Variants in ADAM7 observed in about 807,000 individuals in gnomAD.
The protein encoded by ADAM7 is ADAM metallopeptidase domain 7, also known as disintegrin and metalloproteinase domain-containing protein 7.
Under a neutral mutation model 102.9 loss-of-function variants are expected in ADAM7, and 97 were observed. That is an observed-to-expected ratio of 0.94 (90% CI 0.80 to 1.12). The LOEUF (loss-of-function observed/expected upper bound fraction) is 1.12, where lower values mean the gene tolerates loss of function less well. Among genes scored for constraint, ADAM7 ranks in the 50% most tolerant of loss-of-function variants. The pLI, the probability that ADAM7 is intolerant of heterozygous loss-of-function variation, is 0.00. For missense variants in ADAM7, 991 were observed against 908.7 expected (o/e 1.09, Z -1.16); for synonymous variants, 334 against 304.4 (o/e 1.10, Z -1.01).
chr8:24,509,286 T>C lies in ADAM7; in HGVS notation c.*740T>C. 1.0e-6 allele frequency: 1 copy of C among 985,370 alleles called. No individual in the cohort carries two copies. The allele number at this position is 985,370 out of a possible 1,614,324, so 61.0% of individuals were successfully genotyped here. A position where few individuals can be genotyped will look rare whatever the true frequency, so the allele number is the denominator to read the frequency against. On this transcript the variant is annotated 3_prime_UTR_variant, in exon 22 of 22. Transcript: ENST00000175238. ...CAACTCCTATGAAGGGTTTCTAAGG[T>C]CTTTGTCCTGTGCAATTTGACAATG...
chr8:24,487,302 T>G lies in ADAM7; in HGVS notation c.1076T>G (p.Met359Arg). ...PCTCPSGKCV[M>R]DSDGSIPALK... ...ACCTGTCCTTCAGGAAAATGCGTGA[T>G]GGACAGTGATGGAAGGTGAGATTCG... The change falls in exon 11 of 22, where the codon ATG (methionine) becomes AGG (arginine). Residue 359 changes from methionine to arginine, a missense_variant. Met to Arg is a moderately conservative substitution (Grantham distance 91). Coordinates refer to ENST00000175238, the MANE Select transcript of ADAM7 (RefSeq NM_003817.4). The G allele has an allele frequency of 6.2e-7, 1 of 1,613,640 alleles. No homozygotes were observed. Among genetic ancestry groups the G allele is most frequent in the Non-Finnish European group, 8.5e-7 (1 of 1,179,750 alleles).
intron 20 of ADAM7, among the ~76,000 whole-genome samples, chr8:24,502,356 G>A (rs1409546256): frequency 6.6e-6 from 1 of 151,738 alleles, no homozygotes; most frequent in Non-Finnish European, 1.5e-5. Flanking sequence ...TTTACTTTAA[G>A]AAACTAGAGA....
At chr8:24,476,363 G>A (rs547272948) in intron 7 of ADAM7, 70 bp from the exon 8 acceptor site, 8 of 1,148,762 alleles carry the variant, frequency 7.0e-6, no homozygotes, top group Non-Finnish European at 6.2e-6. Flanking sequence ...GCTGATGAAT[G>A]AAGTATTTTG....
At chr8:24,465,851 G>C in intron 5 of ADAM7, 76 bp downstream of exon 5, 1 of 1,164,622 alleles carries the variant, frequency 8.6e-7, no homozygotes, top group Non-Finnish European at 1.2e-6. Flanking sequence ...TGTTGATTTT[G>C]TTTTATCACT....
At chr8:24,460,757 G>A (rs1266858959) in intron 3 of ADAM7, among the ~76,000 whole-genome samples, 1 of 131,796 alleles carries the variant, frequency 7.6e-6, no homozygotes, top group African/African-American at 3.6e-5. Flanking sequence ...ATGTATGTGT[G>A]TGTGTGTGTG....
In ADAM7 at chr8:24,467,401, G is replaced by C. The variant is rs979478638; in HGVS notation, c.579+413G>C. 46 of 190,110 alleles carry C rather than the reference G, an allele frequency of 2.4e-4. 1 individual carries two copies. The highest frequency in any genetic ancestry group is 7.5e-5 in the Non-Finnish European group (7 of 93,902). The allele number at this position is 190,110 out of a possible 1,614,324, so 11.8% of individuals were successfully genotyped here. A position where few individuals can be genotyped will look rare whatever the true frequency, so the allele number is the denominator to read the frequency against. On this transcript the variant is annotated intron_variant, in intron 6 of 21. Coordinates refer to ENST00000175238, the MANE Select transcript of ADAM7 (RefSeq NM_003817.4). ...TGTTTTAATGGTTAAGGATGATTAAGGATAAAACAAGTTCAGTTTTTGGTG... is the reference window on the plus strand; with the variant it reads ...TGTTTTAATGGTTAAGGATGATTAACGATAAAACAAGTTCAGTTTTTGGTG...
At chr8:24,448,987 CT>C (rs1314169933) in intron 3 of ADAM7, among the ~76,000 whole-genome samples, 1 of 152,178 alleles carries the variant, frequency 6.6e-6, no homozygotes, top group East Asian at 1.9e-4. Context: ...TGAACTCATC[CT>C]TTTTTATGGC....
chr8:24,473,235 T>G (rs7822070), intron 7 of ADAM7, among the ~76,000 whole-genome samples: 109,602 of 152,016 alleles, frequency 0.72, 40,310 homozygotes, highest in African/African-American at 0.81. Context: ...ATTTTATAAG[T>G]TTATTATAAC....
intron 5 of ADAM7, 147 bp downstream of exon 5, chr8:24,465,922 G>A: frequency 1.9e-6 from 1 of 529,290 alleles, no homozygotes; most frequent in Non-Finnish European, 3.2e-6. Context: ...AGTTTCAGCT[G>A]TAGCCTATGA....
rs1185335565 is a variant in ADAM7 at position 24,454,533 on chromosome 8, C to T, written c.233+7271C>T. Among the ~76,000 whole-genome samples the T allele has an allele frequency of 4.6e-5, 7 of 152,262 alleles. No homozygotes were observed. In the East Asian group the frequency reaches 1.4e-3, roughly 30 times the overall value. On this transcript the variant is annotated intron_variant, in intron 3 of 21. Coordinates refer to ENST00000175238, the MANE Select transcript of ADAM7 (RefSeq NM_003817.4). ...AGTGCAGTATTAGGGTGGGAGTGACCCGATTTTGCAGGTGCCATCTGTCAC... is the reference window on the plus strand; with the variant it reads ...AGTGCAGTATTAGGGTGGGAGTGACTCGATTTTGCAGGTGCCATCTGTCAC...
chr8:24,475,562 A>G (rs1819740064), intron 7 of ADAM7, among the ~76,000 whole-genome samples: 1 of 152,174 alleles, frequency 6.6e-6, no homozygotes, highest in Non-Finnish European at 1.5e-5. Context: ...GAATAGTGGC[A>G]GTTATAATCA....
At chr8:24,455,541 T>C (rs1818999636) in intron 3 of ADAM7, among the ~76,000 whole-genome samples, 3 of 152,202 alleles carry the variant, frequency 2.0e-5, no homozygotes, top group Admixed American at 1.3e-4. Context: ...CTCAACTAGC[T>C]GGAACTACAG....
At chr8:24,495,823 A>C (rs1229051734) in intron 16 of ADAM7, among the ~76,000 whole-genome samples, 1 of 152,214 alleles carries the variant, frequency 6.6e-6, no homozygotes, top group Non-Finnish European at 1.5e-5. Context: ...TTATAAGGGA[A>C]GCAGAGCATA....
At position 24,442,470 on chromosome 8, in the gene ADAM7, T is replaced by C. The variant is rs115485048; in HGVS notation, c.53-3T>C. ...GATTTTTTCCTCTTATGTTTCCTCGTAGAAAAGTTCATCCTTGGAGTAGAG... is the reference window on the plus strand; with the variant it reads ...GATTTTTTCCTCTTATGTTTCCTCGCAGAAAAGTTCATCCTTGGAGTAGAG... On this transcript the variant is annotated splice_polypyrimidine_tract_variant and splice_region_variant and intron_variant, in intron 1 of 21. Coordinates refer to ENST00000175238, the MANE Select transcript of ADAM7 (RefSeq NM_003817.4). The C allele has an allele frequency of 1.4e-3, 2,283 of 1,607,946 alleles. 34 individuals are homozygous for C. The African/African-American group carries it at 0.026, about 19-fold the overall frequency.
intron 3 of ADAM7, among the ~76,000 whole-genome samples, chr8:24,457,293 A>ATTT (rs35591710): frequency 6.6e-6 from 1 of 150,872 alleles, no homozygotes; most frequent in African/African-American, 2.4e-5. Context: ...GTTCGAGGAG[A>ATTT]TTTTTTTTTC....
chr8:24,457,376 A>G (rs1819073006), intron 3 of ADAM7, among the ~76,000 whole-genome samples: 2 of 152,030 alleles, frequency 1.3e-5, no homozygotes, highest in African/African-American at 2.4e-5. Flanking sequence ...CCTGGGCTCA[A>G]ATGATTCTTG....
At chr8:24,476,997 G>A (rs549631595) in intron 8 of ADAM7, among the ~76,000 whole-genome samples, 11 of 151,712 alleles carry the variant, frequency 7.3e-5, no homozygotes, top group Non-Finnish European at 1.3e-4. Flanking sequence ...TTTTTTTGCC[G>A]ACTCATTCTA....
rs374265364 is a variant in ADAM7 at position 24,500,914 on chromosome 8, A to G, written c.2108+19A>G. 16 of 1,578,444 alleles carry G rather than the reference A, an allele frequency of 1.0e-5. No individual in the cohort carries two copies. Among genetic ancestry groups the G allele is most frequent in the East Asian group, 4.5e-5 (2 of 44,552 alleles). Reference sequence around the variant, plus strand: ...TTCAGAGGTACATTTACATTTTTCTATGTGTTGAAGAAGGGAATTGTTACT... The same window carrying G: ...TTCAGAGGTACATTTACATTTTTCTGTGTGTTGAAGAAGGGAATTGTTACT... On this transcript the variant is annotated intron_variant, in intron 19 of 21. Transcript: ENST00000175238.
chr8:24,448,657 TTTATTATTA>T (rs35847061), intron 3 of ADAM7, among the ~76,000 whole-genome samples: 6 of 148,710 alleles, frequency 4.0e-5, no homozygotes, highest in Non-Finnish European at 8.9e-5. Context: ...ATTCAGCTTG[TTTATTATTA>T]TTATTATTAT....
Sources: allele counts gnomAD v4.1 joint callset (sites outside exome capture counted in the v4.1 genomes callset), GRCh38; gene constraint gnomAD v4.1.1; transcripts MANE v1.5; gene names NCBI Gene and HGNC (gene_info 2026-07-23, HGNC 2026-07-21).